Variants in ANKFN1 observed in about 807,000 individuals in gnomAD.
ANKFN1 encodes the protein ankyrin repeat and fibronectin type III domain containing 1.
Under a neutral mutation model 108.7 loss-of-function variants are expected in ANKFN1, and 74 were observed. The ratio of observed to expected loss-of-function variants is 0.68; its 90% CI spans 0.56 to 0.83. The LOEUF (loss-of-function observed/expected upper bound fraction) is 0.83, where lower values mean the gene tolerates loss of function less well. Among genes scored for constraint, ANKFN1 ranks in the 40% least tolerant of loss-of-function variants. The pLI, the probability that ANKFN1 is intolerant of heterozygous loss-of-function variation, is 0.00. For synonymous variants in ANKFN1, 547 were observed against 516.2 expected, an observed-to-expected ratio of 1.06 and a Z score of -0.81; for missense variants, 1,505 against 1,382.3, an observed-to-expected ratio of 1.09 and a Z score of -1.41.
chr17:56,246,511 T>G (rs1322921392), intron 3 of ANKFN1, among the ~76,000 whole-genome samples: 1 of 152,120 alleles, frequency 6.6e-6, no homozygotes, highest in Non-Finnish European at 1.5e-5. Context: ...TAGCCTTTTC[T>G]TAGTATTTTC....
At chr17:56,063,609 G>A (rs1373957574) in intron 4 of ANKFN1, among the ~76,000 whole-genome samples, 4 of 151,662 alleles carry the variant, frequency 2.6e-5, no homozygotes, top group Non-Finnish European at 2.9e-5. Context: ...GGTCATTTAT[G>A]TTCCTCTCTA....
At chr17:56,147,783 G>A (rs1337381301) in intron 4 of ANKFN1, among the ~76,000 whole-genome samples, 2 of 152,166 alleles carry the variant, frequency 1.3e-5, no homozygotes, top group Admixed American at 6.5e-5. Flanking sequence ...GGGATATAAA[G>A]CAGGTGTATG....
chr17:56,322,656 C>T (rs142901294), intron 3 of ANKFN1, among the ~76,000 whole-genome samples: 8 of 152,310 alleles, frequency 5.3e-5, no homozygotes, highest in African/African-American at 1.4e-4. Context: ...TGCCGTGACG[C>T]CGAACCTGTT....
intron 3 of ANKFN1, among the ~76,000 whole-genome samples, chr17:56,249,456 C>T (rs2043188650): frequency 6.6e-6 from 1 of 151,400 alleles, no homozygotes. Flanking sequence ...AAAAAAAAGT[C>T]AAATTAATTT....
At chr17:56,276,306 G>A (rs1300795551) in intron 3 of ANKFN1, among the ~76,000 whole-genome samples, 3 of 152,140 alleles carry the variant, frequency 2.0e-5, no homozygotes, top group African/African-American at 7.2e-5. Context: ...TGTGAATAGT[G>A]CTGCAATAGA....
intron 8 of ANKFN1, among the ~76,000 whole-genome samples, chr17:56,427,900 G>C (rs1452512470): frequency 6.6e-6 from 1 of 152,038 alleles, no homozygotes; most frequent in Non-Finnish European, 1.5e-5. Flanking sequence ...AAAATGAAGA[G>C]AACATTACCT....
chr17:56,302,532 A>G (rs12950620), intron 3 of ANKFN1, among the ~76,000 whole-genome samples: 32,063 of 140,430 alleles, frequency 0.23, 2,856 homozygotes, highest in Middle Eastern at 0.5. Flanking sequence ...AAAAAAAAAA[A>G]AGAGAGAGAG....
At chr17:56,148,839 A>G (rs1182224246), upstream of ANKFN1, among the ~76,000 whole-genome samples, 2 of 152,208 alleles carry the variant, frequency 1.3e-5, no homozygotes, top group East Asian at 1.9e-4. Flanking sequence ...CTCTAAGGCT[A>G]CATTTGTGGA....
rs1909511813 is a variant in ANKFN1, at chr17:56,160,164, T to A, written c.-71+6634T>A. On this transcript the variant is annotated intron_variant, in intron 1 of 20. Transcript: ENST00000682825. Reference sequence around the variant, plus strand: ...AACATTATTTATAGAAATCAATTAGTCCTCTGTCTCTGCAATTTTATTATG... The same window carrying A: ...AACATTATTTATAGAAATCAATTAGACCTCTGTCTCTGCAATTTTATTATG... Among the ~76,000 whole-genome samples, 3 of 152,212 alleles carry A rather than the reference T, an allele frequency of 2.0e-5. No homozygotes were observed. The South Asian group carries it at 6.2e-4, about 32-fold the overall frequency.
chr17:56,263,168 G>A (rs1327571664), intron 3 of ANKFN1, among the ~76,000 whole-genome samples: 5 of 152,196 alleles, frequency 3.3e-5, no homozygotes, highest in African/African-American at 1.2e-4. Flanking sequence ...AGATCGATTG[G>A]CCATCCTGGG....
At chr17:56,194,927 A>G (rs766717702) in intron 1 of ANKFN1, among the ~76,000 whole-genome samples, 4 of 152,236 alleles carry the variant, frequency 2.6e-5, no homozygotes, top group Non-Finnish European at 4.4e-5. Flanking sequence ...AACAATATAG[A>G]TGAGCCATCC....
chr17:56,054,737 A>G (rs1904836625), intron 4 of ANKFN1, among the ~76,000 whole-genome samples: 1 of 152,028 alleles, frequency 6.6e-6, no homozygotes, highest in African/African-American at 2.4e-5. Flanking sequence ...CAAAAAATAA[A>G]CAAATTAGCC....
intron 8 of ANKFN1, among the ~76,000 whole-genome samples, chr17:56,410,872 T>C (rs551580305): frequency 1.1e-3 from 160 of 152,230 alleles, no homozygotes; most frequent in Non-Finnish European, 1.9e-3. Context: ...ATTCTGTTCC[T>C]TTGGTTGATG....
rs1043956794 is a variant in ANKFN1, at chr17:56,493,057, T to C, written c.2427+704T>C. Among the ~76,000 whole-genome samples the C allele has an allele frequency of 4.6e-5, 7 of 152,282 alleles. No homozygotes were observed. The East Asian group carries it at 1.4e-3, about 29-fold the overall frequency. On this transcript the variant is annotated intron_variant, in intron 19 of 20. Coordinates refer to ENST00000682825, the MANE Select transcript of ANKFN1 (RefSeq NM_001370326.1). ...AGAATAGCAATAGCCCCATGATAAATATCACTATGATACATATTCAGTTCA... is the reference window on the plus strand; with the variant it reads ...AGAATAGCAATAGCCCCATGATAAACATCACTATGATACATATTCAGTTCA...
intron 4 of ANKFN1, among the ~76,000 whole-genome samples, chr17:56,328,849 G>T (rs966838688): frequency 6.6e-6 from 1 of 151,994 alleles, no homozygotes; most frequent in Non-Finnish European, 1.5e-5. Context: ...TTGTCACTGG[G>T]TTTCCTGATC....
intron 1 of ANKFN1, among the ~76,000 whole-genome samples, chr17:56,180,192 A>T (rs920401843): frequency 2.6e-5 from 4 of 152,172 alleles, no homozygotes; most frequent in African/African-American, 9.7e-5. Context: ...TTACTCTGAT[A>T]GTTCACTAGA....
intron 1 of ANKFN1, among the ~76,000 whole-genome samples, chr17:56,203,180 A>G (rs1430012017): frequency 6.6e-6 from 1 of 152,160 alleles, no homozygotes; most frequent in Non-Finnish European, 1.5e-5. Flanking sequence ...GTTTCCAGGG[A>G]CATTTTTTAT....
chr17:56,082,481 G>T lies in ANKFN1; in HGVS notation c.288+36156G>T, dbSNP rs186624250. ...AGGCACTGAGCCTTGTCAGAGTTCT[G>T]AATTTATTATATAAAATGAAAAGAG... On this transcript the variant is annotated intron_variant, in intron 4 of 12. Coordinates refer to the ANKFN1 transcript ENST00000635860. Among the ~76,000 whole-genome samples, 14 of 151,470 alleles carry T rather than the reference G, an allele frequency of 9.2e-5. No homozygotes were observed. The East Asian group carries it at 2.7e-3, about 29-fold the overall frequency.
chr17:56,120,316 C>T (rs1402472237), intron 4 of ANKFN1, among the ~76,000 whole-genome samples: 1 of 152,164 alleles, frequency 6.6e-6, no homozygotes, highest in East Asian at 1.9e-4. Flanking sequence ...ACGTTTTCCA[C>T]TGTTCTCTTA....
Sources: gnomAD v4.1 joint callset for allele counts (sites outside exome capture counted in the v4.1 genomes callset) on GRCh38, gnomAD v4.1.1 for gene constraint, MANE v1.5 for transcripts, NCBI Gene and HGNC (gene_info 2026-07-23, HGNC 2026-07-21) for gene names.